OSBPL8: variants seen among roughly 807,000 people sequenced by gnomAD.
OSBPL8 encodes oxysterol-binding protein-related protein 8.
In OSBPL8, 59 loss-of-function variants were observed where a neutral mutation model predicts 125.5. The observed-to-expected ratio is 0.47, with a 90% CI of 0.38 to 0.58. The LOEUF (loss-of-function observed/expected upper bound fraction) is 0.58, where lower values mean the gene tolerates loss of function less well. Among genes scored for constraint, OSBPL8 ranks in the 20% least tolerant of loss-of-function variants. The pLI is 0.00. For missense variants in OSBPL8, 758 were observed against 1,047.8 expected (o/e 0.72, Z 3.82); for synonymous variants, 330 against 338.9 (o/e 0.97, Z 0.29).
At chr12:76,430,111 A>G (rs1870632946) in intron 4 of OSBPL8, among the ~76,000 whole-genome samples, 1 of 152,122 alleles carries the variant, frequency 6.6e-6, no homozygotes, top group Non-Finnish European at 1.5e-5. Flanking sequence ...CCGCTGAGTG[A>G]CCTCTCTGGG....
chr12:76,490,057 A>C (rs936406020), intron 1 of OSBPL8, among the ~76,000 whole-genome samples: 1 of 152,254 alleles, frequency 6.6e-6, no homozygotes, highest in African/African-American at 2.4e-5. Flanking sequence ...TAGAATTAGA[A>C]GTGGAGTCTG....
chr12:76,468,641 T>C (rs1162745534), intron 2 of OSBPL8, among the ~76,000 whole-genome samples: 1 of 152,210 alleles, frequency 6.6e-6, no homozygotes, highest in Non-Finnish European at 1.5e-5. Context: ...GCTACCTATG[T>C]TCAAGCTAAA....
At chr12:76,383,961 A>G (rs1438560166) in intron 15 of OSBPL8, among the ~76,000 whole-genome samples, 1 of 152,206 alleles carries the variant, frequency 6.6e-6, no homozygotes, top group African/African-American at 2.4e-5. Flanking sequence ...ATGAAACACA[A>G]AAAACTGGCC....
At chr12:76,435,484 T>C (rs546360271) in intron 4 of OSBPL8, among the ~76,000 whole-genome samples, 2 of 152,244 alleles carry the variant, frequency 1.3e-5, no homozygotes, top group East Asian at 1.9e-4. Context: ...AATATATGCA[T>C]AGTTAATACT....
At chr12:76,477,775 G>A (rs1450607474) in intron 2 of OSBPL8, among the ~76,000 whole-genome samples, 2 of 151,532 alleles carry the variant, frequency 1.3e-5, no homozygotes, top group Admixed American at 1.3e-4. Context: ...AATAGGCGAA[G>A]GGGGGGTACA....
intron 15 of OSBPL8, among the ~76,000 whole-genome samples, chr12:76,382,458 G>C (rs560477666): frequency 6.6e-6 from 1 of 152,226 alleles, no homozygotes; most frequent in South Asian, 2.1e-4. Context: ...GTGCATTGCA[G>C]GATGTTTAGC....
At chr12:76,474,150 T>G (rs1026241473) in intron 2 of OSBPL8, among the ~76,000 whole-genome samples, 1 of 152,172 alleles carries the variant, frequency 6.6e-6, no homozygotes, top group Non-Finnish European at 1.5e-5. Flanking sequence ...GTTAGTTTGC[T>G]GAACCCAATA....
chr12:76,531,159 G>A (rs1271360495), intron 1 of OSBPL8, among the ~76,000 whole-genome samples: 1 of 152,148 alleles, frequency 6.6e-6, no homozygotes, highest in African/African-American at 2.4e-5. Context: ...TCACATGGTG[G>A]CAGGACAGAG....
chr12:76,403,652 T>G (rs1446678362), intron 5 of OSBPL8, among the ~76,000 whole-genome samples: 3 of 152,338 alleles, frequency 2.0e-5, no homozygotes, highest in Non-Finnish European at 4.4e-5. Context: ...TATTTTTATC[T>G]ATTGTTAGAC....
chr12:76,515,131 T>G lies in OSBPL8; in HGVS notation c.-67-27513A>C, dbSNP rs542667122. On this transcript the variant is annotated intron_variant, in intron 1 of 23. Coordinates refer to ENST00000261183, the MANE Select transcript of OSBPL8 (RefSeq NM_020841.5). ...ATGATATTCATTCCTATCCACGTTCTGAATTCTACTTCTGTCATTTCAGCC... is the reference window on the plus strand; with the variant it reads ...ATGATATTCATTCCTATCCACGTTCGGAATTCTACTTCTGTCATTTCAGCC... 2.0e-3 allele frequency among the ~76,000 whole-genome samples: 307 copies of G among 152,384 alleles called. 2 individuals are homozygous for G. Among genetic ancestry groups the G allele is most frequent in the African/African-American group, 7.0e-3 (292 of 41,604 alleles).
chr12:76,400,841 T>C (rs953816062), intron 6 of OSBPL8, among the ~76,000 whole-genome samples: 2 of 149,552 alleles, frequency 1.3e-5, no homozygotes, highest in Non-Finnish European at 1.5e-5. Flanking sequence ...CAGGCTGGAG[T>C]GCAGTGGCGG....
rs1224643928 is a variant in OSBPL8, at chr12:76,354,405, A to T, written c.*1484T>A. 1 of 151,960 alleles carries T rather than the reference A, an allele frequency of 6.6e-6. No individual in the cohort carries two copies. Among genetic ancestry groups the T allele is most frequent in the African/African-American group, 2.4e-5 (1 of 41,428 alleles). 9.4% of individuals were successfully genotyped at this position (151,960 alleles called of 1,614,324 possible). A position where few individuals can be genotyped will look rare whatever the true frequency, so the allele number is the denominator to read the frequency against. ...ATCATTTTGATTCTCATAATTTACCAATCAATGTATTTATTTACCAATCTT... is the reference window on the plus strand; with the variant it reads ...ATCATTTTGATTCTCATAATTTACCTATCAATGTATTTATTTACCAATCTT... On this transcript the variant is annotated 3_prime_UTR_variant, in exon 24 of 24. Transcript: ENST00000261183.
chr12:76,452,128 G>A (rs1308106531), intron 3 of OSBPL8, among the ~76,000 whole-genome samples: 1 of 151,744 alleles, frequency 6.6e-6, no homozygotes, highest in African/African-American at 2.4e-5. Flanking sequence ...AAAAAAAAAA[G>A]ACGGTTTAGT....
intron 4 of OSBPL8, among the ~76,000 whole-genome samples, chr12:76,415,232 T>C (rs1040990373): frequency 6.6e-6 from 1 of 151,654 alleles, no homozygotes; most frequent in Non-Finnish European, 1.5e-5. Context: ...ATTTCTGTTT[T>C]TCTTTTTTTT....
intron 2 of OSBPL8, among the ~76,000 whole-genome samples, chr12:76,465,298 C>A (rs1327776061): frequency 2.6e-5 from 4 of 152,160 alleles, no homozygotes; most frequent in South Asian, 2.1e-4. Flanking sequence ...CAGTGGCTCA[C>A]GCCTGTAATC....
chr12:76,428,797 T>C (rs1870465795), intron 4 of OSBPL8, among the ~76,000 whole-genome samples: 1 of 152,080 alleles, frequency 6.6e-6, no homozygotes, highest in South Asian at 2.1e-4. Context: ...AGAATATAGT[T>C]GACACATTAG....
intron 5 of OSBPL8, among the ~76,000 whole-genome samples, chr12:76,404,569 A>T (rs1317932626): frequency 1.3e-5 from 2 of 152,116 alleles, no homozygotes; most frequent in Non-Finnish European, 2.9e-5. Context: ...CACCTGAGAC[A>T]GCAAGACTAA....
At chr12:76,461,039 T>C (rs1874656940) in intron 2 of OSBPL8, among the ~76,000 whole-genome samples, 1 of 152,238 alleles carries the variant, frequency 6.6e-6, no homozygotes, top group Non-Finnish European at 1.5e-5. Flanking sequence ...GCTCTATTCA[T>C]GTTTGTGCAG....
intron 4 of OSBPL8, among the ~76,000 whole-genome samples, chr12:76,426,773 T>C (rs957287723): frequency 2.0e-5 from 3 of 152,202 alleles, no homozygotes; most frequent in Non-Finnish European, 2.9e-5. Context: ...GCTGGATACA[T>C]AGAAAACATT....
Sources: allele counts gnomAD v4.1 joint callset (sites outside exome capture counted in the v4.1 genomes callset), GRCh38; gene constraint gnomAD v4.1.1; transcripts MANE v1.5; gene names NCBI Gene and HGNC (gene_info 2026-07-23, HGNC 2026-07-21).